Variants in NPC1 observed in about 807,000 individuals in gnomAD.
The protein encoded by NPC1 is Niemann-Pick C1 protein.
NPC1 carries 85 observed loss-of-function variants against 140.4 expected under a neutral mutation model. That is an observed-to-expected ratio of 0.61 (90% confidence interval 0.51 to 0.72). NPC1 has a LOEUF of 0.72. Ranked by LOEUF, NPC1 falls within the 30% of genes least tolerant of loss-of-function variation. The pLI is 0.00. For missense variants in NPC1, 1,504 were observed against 1,623.8 expected (o/e 0.93, Z 1.27); for synonymous variants, 656 against 624.8 (o/e 1.05, Z -0.74).
At chr18:23,527,961 T>C, downstream of NPC1, 6 of 1,349,070 alleles carry the variant, frequency 4.4e-6, no homozygotes, top group Non-Finnish European at 6.1e-6. Flanking sequence ...GGGTATTTTC[T>C]AAGTAATTAT....
At chr18:23,550,814 T>C (rs753875799) in intron 10 of NPC1, among the ~76,000 whole-genome samples, 1 of 152,156 alleles carries the variant, frequency 6.6e-6, no homozygotes. Flanking sequence ...CTTTTATCCA[T>C]CTGGAATTTA....
Position 23,556,253 on chromosome 18 carries a change from A to G in NPC1, c.1316T>C (p.Ile439Thr). ...VPFGPPLDIQILHQVLDLQIA... is the reference protein window; with the variant it reads ...VPFGPPLDIQTLHQVLDLQIA... ...CAAACAGCAGGTTACCTGGTGCAGT[A>G]TCTGTATGTCAAGCGGAGGTCCAAA... is the stretch of plus-strand genomic sequence containing the variant. Residue 439 changes from isoleucine (I) to threonine (T), a missense_variant, in exon 8 of 25, where the codon ATA becomes ACA. By Grantham distance (89) the Ile-to-Thr change is moderately conservative (BLOSUM62 -1). Coordinates refer to ENST00000269228, the MANE Select transcript of NPC1 (RefSeq NM_000271.5). 6.2e-7 allele frequency: 1 copy of G among 1,614,122 alleles called. No individual in the cohort carries two copies. The highest frequency in any genetic ancestry group is 2.2e-5 in the East Asian group (1 of 44,876).
chr18:23,524,402 T>G, downstream of NPC1: 3 of 1,612,916 alleles, frequency 1.9e-6, no homozygotes, highest in Non-Finnish European at 2.5e-6. Flanking sequence ...CATCTTTTCC[T>G]GGTTTAGAAT....
chr18:23,538,710 G>C, intron 19 of NPC1, 39 bp from the exon 20 acceptor site: 1 of 1,610,442 alleles, frequency 6.2e-7, no homozygotes, highest in African/African-American at 1.3e-5. Flanking sequence ...AGAAGAATAG[G>C]TCTCCAGATT....
chr18:23,518,868 T>C (rs371810931), downstream of NPC1: 6 of 1,609,526 alleles, frequency 3.7e-6, no homozygotes, highest in Non-Finnish European at 5.1e-6. Flanking sequence ...ATGTGATTTA[T>C]GTCTGTTTGT....
At chr18:23,526,550 C>T (rs2058302931), downstream of NPC1, 39 of 1,501,558 alleles carry the variant, frequency 2.6e-5, no homozygotes, top group Middle Eastern at 3.7e-4. Flanking sequence ...ACCTGCCACC[C>T]GCCCCGCAGA....
At chr18:23,581,241 C>T (rs1315649432) in intron 1 of NPC1, among the ~76,000 whole-genome samples, 1 of 152,182 alleles carries the variant, frequency 6.6e-6, no homozygotes, top group Non-Finnish European at 1.5e-5. Flanking sequence ...GGGGTCAGGC[C>T]AGCAGGCTAA....
rs984331053 is a variant in NPC1, at chr18:23,531,949, A to G, written c.*253T>C. On this transcript the variant is annotated 3_prime_UTR_variant, in exon 25 of 25. Transcript: ENST00000269228. ...CATCTAGTGTCACCTCCTGCTTGCC[A>G]AAGAATGAGGTTTCTTTCCTGAAGA... 1.0e-5 allele frequency: 15 copies of G among 1,445,512 alleles called. No individual in the cohort carries two copies. Among genetic ancestry groups the G allele is most frequent in the African/African-American group, 1.4e-5 (1 of 69,724 alleles). The allele number at this position is 1,445,512 out of a possible 1,614,324, so 89.5% of individuals were successfully genotyped here.
At chr18:23,560,945 G>A (rs934295199) in intron 5 of NPC1, among the ~76,000 whole-genome samples, 1 of 152,196 alleles carries the variant, frequency 6.6e-6, no homozygotes, top group Non-Finnish European at 1.5e-5. Flanking sequence ...CTTACTGGGA[G>A]AAACTATGAA....
chr18:23,527,815 G>A, downstream of NPC1: 2 of 1,614,082 alleles, frequency 1.2e-6, no homozygotes, highest in South Asian at 2.2e-5. Context: ...GTCAGACAGA[G>A]CATCGCTGCC....
chr18:23,538,170 C>G (rs1478209534), intron 20 of NPC1, among the ~76,000 whole-genome samples: 1 of 152,146 alleles, frequency 6.6e-6, no homozygotes, highest in Non-Finnish European at 1.5e-5. Context: ...AAGCTAAGAT[C>G]ACGCCCCAGC....
chr18:23,506,958 T>A (rs1295118542), intron 3 of NPC1: 1 of 1,568,594 alleles, frequency 6.4e-7, no homozygotes, highest in Non-Finnish European at 8.7e-7. Flanking sequence ...AACACAATCT[T>A]TCTTCTTAAA....
At chr18:23,530,107 A>G, downstream of NPC1, 1 of 1,614,152 alleles carries the variant, frequency 6.2e-7, no homozygotes, top group South Asian at 1.1e-5. Context: ...CTGCAGTACC[A>G]CGTCCTCAGC....
At chr18:23,554,670 G>C in intron 9 of NPC1, 88 bp downstream of exon 9, 1 of 957,440 alleles carries the variant, frequency 1.0e-6, no homozygotes, top group Admixed American at 2.0e-5. Context: ...CTCACCTCTG[G>C]GTTATGCTCA....
chr18:23,550,159 G>C (rs1170801906), intron 10 of NPC1, among the ~76,000 whole-genome samples: 2 of 151,048 alleles, frequency 1.3e-5, no homozygotes, highest in African/African-American at 4.9e-5. Context: ...CTACAAGCAT[G>C]CACCACCATG....
In NPC1 at chr18:23,574,632, T is replaced by C. The variant is rs556480115; in HGVS notation, c.58-1058A>G. ...AAAGTCAGCAGGAGATTGGGATTTG[T>C]ATGTGTGGGGAAATCCAAGGCATCA... On this transcript the variant is annotated intron_variant, in intron 1 of 24. Transcript: ENST00000269228. Among the ~76,000 whole-genome samples, 3 of 152,312 alleles carry C rather than the reference T, an allele frequency of 2.0e-5. No individual in the cohort carries two copies. The East Asian group carries it at 5.8e-4, about 29-fold the overall frequency.
At chr18:23,583,325 TG>T (rs2059379034) in intron 1 of NPC1, among the ~76,000 whole-genome samples, 1 of 152,100 alleles carries the variant, frequency 6.6e-6, no homozygotes, top group Non-Finnish European at 1.5e-5. Flanking sequence ...AGATCACTCT[TG>T]GGAACAGAGA....
At chr18:23,524,501 T>C (rs569720427), downstream of NPC1, 3 of 1,613,056 alleles carry the variant, frequency 1.9e-6, no homozygotes, top group Admixed American at 1.7e-5. Flanking sequence ...GCGGGGACAG[T>C]TGTCGTGTTA....
At chr18:23,581,532 C>T (rs2059355417) in intron 1 of NPC1, among the ~76,000 whole-genome samples, 1 of 152,080 alleles carries the variant, frequency 6.6e-6, no homozygotes, top group Admixed American at 6.6e-5. Context: ...AACAGCATTA[C>T]ACCTACCTTA....
Sources: allele counts gnomAD v4.1 joint callset (sites outside exome capture counted in the v4.1 genomes callset), GRCh38; gene constraint gnomAD v4.1.1; transcripts MANE v1.5; gene names NCBI Gene and HGNC (gene_info 2026-07-23, HGNC 2026-07-21).